XIRP2: variants seen among roughly 807,000 people sequenced by gnomAD.
The protein encoded by XIRP2 is xin actin binding repeat containing 2.
XIRP2 carries 236 observed loss-of-function variants against 277.0 expected under a neutral mutation model. The observed-to-expected ratio is 0.85, with a 90% CI of 0.77 to 0.95. The LOEUF (loss-of-function observed/expected upper bound fraction) is 0.95, where lower values mean the gene tolerates loss of function less well. XIRP2 is among the 40% of genes least tolerant of loss of function. The pLI is 0.00. For synonymous variants in XIRP2, 1,490 were observed against 1,416.5 expected (o/e 1.05, Z -1.17); for missense variants, 4,640 against 4,157.5 (o/e 1.12, Z -3.19).
intron 2 of XIRP2, among the ~76,000 whole-genome samples, chr2:166,970,735 A>G (rs906376199): frequency 6.6e-6 from 1 of 152,086 alleles, no homozygotes; most frequent in East Asian, 1.9e-4. Flanking sequence ...AGTTCTCCTA[A>G]GTTAACATAA....
chr2:167,093,881 G>T (rs181510334), intron 2 of XIRP2, among the ~76,000 whole-genome samples: 1 of 152,082 alleles, frequency 6.6e-6, no homozygotes, highest in Non-Finnish European at 1.5e-5. Context: ...AGATCCTTGA[G>T]GAATCACCAC....
At chr2:167,001,228 A>G (rs950446166) in intron 2 of XIRP2, among the ~76,000 whole-genome samples, 2 of 152,090 alleles carry the variant, frequency 1.3e-5, no homozygotes, top group Non-Finnish European at 2.9e-5. Flanking sequence ...CACTAAAAGT[A>G]TCATCAATAG....
rs1904440 is a variant in XIRP2 at position 167,212,950 on chromosome 2, A to G, written c.723+2055A>G. ...ACACACACCAAAAAAAATCATGAAAACTGCCTGTGACTAAATCTGTATCTC... is the reference window on the plus strand; with the variant it reads ...ACACACACCAAAAAAAATCATGAAAGCTGCCTGTGACTAAATCTGTATCTC... On this transcript the variant is annotated intron_variant, in intron 4 of 10. Coordinates refer to ENST00000409195, the MANE Select transcript of XIRP2 (RefSeq NM_152381.6). Among the ~76,000 whole-genome samples the G allele has an allele frequency of 3.7e-4, 51 of 137,670 alleles. No individual in the cohort carries two copies. The East Asian group carries it at 0.012, about 32-fold the overall frequency. 90.3% of individuals were successfully genotyped at this position (137,670 alleles called of 152,430 possible).
intron 2 of XIRP2, among the ~76,000 whole-genome samples, chr2:166,972,024 A>C (rs928467922): frequency 1.3e-5 from 2 of 152,118 alleles, no homozygotes; most frequent in Non-Finnish European, 2.9e-5. Context: ...TAATCCCCAA[A>C]ATGAGGATAT....
At position 167,241,652 on chromosome 2, in the gene XIRP2, T is replaced by G. The variant is rs1695069442; in HGVS notation, c.1043-125T>G. 3 of 1,111,856 alleles carry G rather than the reference T, an allele frequency of 2.7e-6. No individual in the cohort carries two copies. The South Asian group carries it at 5.5e-5, about 20-fold the overall frequency. 68.9% of individuals were successfully genotyped at this position (1,111,856 alleles called of 1,614,324 possible). A position where few individuals can be genotyped will look rare whatever the true frequency, so the allele number is the denominator to read the frequency against. ...CTCACACCCTTGGGCTCAAGTAATCTTCGCACCTCAGTCTCCCAAAGTATT... is the reference window on the plus strand; with the variant it reads ...CTCACACCCTTGGGCTCAAGTAATCGTCGCACCTCAGTCTCCCAAAGTATT... On this transcript the variant is annotated intron_variant, in intron 7 of 10. Transcript: ENST00000409195.
Position 167,251,764 on chromosome 2 carries a change from T to A in XIRP2, c.10372T>A (p.Tyr3458Asn), listed in dbSNP as rs779570458. ...GCDFKHAPPTYEDVIAGHILD... is the reference protein window; with the variant it reads ...GCDFKHAPPTNEDVIAGHILD... ...TGACTTCAAGCATGCCCCACCAACC[T>A]ATGAGGATGTCATTGCTGGACATAT... The change falls in exon 9 of 11, where the codon TAT (tyrosine) becomes AAT (asparagine). Residue 3458 changes from tyrosine to asparagine, a missense_variant. By Grantham distance (143) the Tyr-to-Asn change is moderately radical. Coordinates refer to ENST00000409195, the MANE Select transcript of XIRP2 (RefSeq NM_152381.6). The A allele has an allele frequency of 6.2e-7, 1 of 1,613,338 alleles. No individual in the cohort carries two copies. Among genetic ancestry groups the A allele is most frequent in the Non-Finnish European group, 8.5e-7 (1 of 1,179,584 alleles).
At chr2:167,226,731 G>A (rs564446565) in intron 5 of XIRP2, among the ~76,000 whole-genome samples, 3 of 152,160 alleles carry the variant, frequency 2.0e-5, no homozygotes, top group African/African-American at 7.2e-5. Flanking sequence ...ATGCTACAGG[G>A]ATGTAGTGGT....
chr2:167,104,826 GT>G (rs1251029363), intron 2 of XIRP2, among the ~76,000 whole-genome samples: 1 of 151,940 alleles, frequency 6.6e-6, no homozygotes, highest in Non-Finnish European at 1.5e-5. Flanking sequence ...GCTTCTTTCA[GT>G]TTACTTTCTT....
intron 2 of XIRP2, among the ~76,000 whole-genome samples, chr2:166,969,348 C>T (rs76765642): frequency 0.03 from 4,605 of 151,956 alleles, 97 homozygotes; most frequent in East Asian, 0.079. Context: ...AATTTATTCA[C>T]GTCTAGTCAA....
At chr2:166,921,367 A>G (rs1297275643) in intron 2 of XIRP2, among the ~76,000 whole-genome samples, 1 of 152,084 alleles carries the variant, frequency 6.6e-6, no homozygotes, top group Non-Finnish European at 1.5e-5. Flanking sequence ...TATCCTTGCT[A>G]TCATTTGGTG....
chr2:167,098,037 C>G (rs1281615285), intron 2 of XIRP2, among the ~76,000 whole-genome samples: 1 of 152,106 alleles, frequency 6.6e-6, no homozygotes, highest in African/African-American at 2.4e-5. Flanking sequence ...TGGGGTTGCT[C>G]TTCTCGAGGA....
At chr2:166,949,325 T>C (rs963775843) in intron 2 of XIRP2, among the ~76,000 whole-genome samples, 1 of 152,118 alleles carries the variant, frequency 6.6e-6, no homozygotes, top group Admixed American at 6.6e-5. Flanking sequence ...CTTAGCTCTC[T>C]GTGCTTTAAT....
intron 3 of XIRP2, among the ~76,000 whole-genome samples, chr2:167,178,266 T>C (rs770293975): frequency 6.6e-6 from 1 of 152,140 alleles, no homozygotes; most frequent in African/African-American, 2.4e-5. Flanking sequence ...GAAGATGTTT[T>C]ATGCATAATT....
chr2:167,008,847 C>A (rs1008183133), intron 2 of XIRP2, among the ~76,000 whole-genome samples: 68 of 151,470 alleles, frequency 4.5e-4, no homozygotes, highest in African/African-American at 1.5e-3. Flanking sequence ...TTCTTAGTCA[C>A]TTTGGATACA....
At chr2:166,945,663 C>CTT (rs71395267) in intron 2 of XIRP2, among the ~76,000 whole-genome samples, 2,047 of 69,218 alleles carry the variant, frequency 0.03, 6 homozygotes, top group Non-Finnish European at 0.037. Flanking sequence ...TAAGATAAAT[C>CTT]TTTTTTTTTT....
intron 2 of XIRP2, among the ~76,000 whole-genome samples, chr2:167,115,507 G>A (rs562401522): frequency 7.9e-5 from 12 of 152,240 alleles, no homozygotes; most frequent in Middle Eastern, 3.4e-3. Context: ...TGAAGTTGCC[G>A]TCCTTTGGAT....
At chr2:167,062,041 C>T (rs1312855116) in intron 2 of XIRP2, among the ~76,000 whole-genome samples, 1 of 152,250 alleles carries the variant, frequency 6.6e-6, no homozygotes, top group Admixed American at 6.5e-5. Flanking sequence ...CACCCTCGAT[C>T]GCTTGGCCAT....
chr2:167,069,837 C>T (rs1354455571), intron 2 of XIRP2, among the ~76,000 whole-genome samples: 2 of 152,144 alleles, frequency 1.3e-5, no homozygotes, highest in Non-Finnish European at 2.9e-5. Flanking sequence ...GTATAATGCT[C>T]CACTTCCTTC....
At chr2:167,134,859 A>T (rs917185218) in intron 2 of XIRP2, among the ~76,000 whole-genome samples, 1 of 152,178 alleles carries the variant, frequency 6.6e-6, no homozygotes, top group Non-Finnish European at 1.5e-5. Flanking sequence ...GACAGCTTCT[A>T]AGTGAATCAC....
Sources: allele counts gnomAD v4.1 joint callset (sites outside exome capture counted in the v4.1 genomes callset), GRCh38; gene constraint gnomAD v4.1.1; transcripts MANE v1.5; gene names NCBI Gene and HGNC (gene_info 2026-07-23, HGNC 2026-07-21).